The following SPAG16 variants were observed in gnomAD, a reference collection of about 807,000 sequenced individuals.
The protein encoded by SPAG16 is sperm-associated antigen 16 protein.
In SPAG16, 86 loss-of-function variants were observed where a neutral mutation model predicts 80.4. That is an observed-to-expected ratio of 1.07 (90% CI 0.90 to 1.28). The LOEUF (loss-of-function observed/expected upper bound fraction) is 1.28. Ranked by LOEUF, SPAG16 falls within the 50% of genes most tolerant of loss-of-function variation. The probability of loss-of-function intolerance (pLI) is 0.00; values close to 1 mark genes in which losing one functional copy is unlikely to be tolerated. For synonymous variants in SPAG16, 294 were observed against 265.9 expected (o/e 1.11, Z -1.03); for missense variants, 870 against 765.3 (o/e 1.14, Z -1.61).
chr2:213,716,176 T>A (rs550824350), intron 10 of SPAG16, among the ~76,000 whole-genome samples: 1 of 152,192 alleles, frequency 6.6e-6, no homozygotes, highest in African/African-American at 2.4e-5. Context: ...TATAATACTT[T>A]GATTTTTCAA....
intron 15 of SPAG16, among the ~76,000 whole-genome samples, chr2:214,304,232 C>T (rs1212818714): frequency 6.6e-6 from 1 of 152,166 alleles, no homozygotes; most frequent in Non-Finnish European, 1.5e-5. Context: ...AAAATCTGGC[C>T]ATAAACTGGC....
At chr2:214,046,358 A>G (rs1409344978) in intron 13 of SPAG16, among the ~76,000 whole-genome samples, 1 of 152,350 alleles carries the variant, frequency 6.6e-6, no homozygotes, top group East Asian at 1.9e-4. Context: ...CTGTGAGACC[A>G]GTATTACCCT....
In SPAG16 at chr2:213,889,648, C is replaced by CACAT. The variant is rs1559555712; in HGVS notation, c.1214+27021_1214+27022insCATA. 4.7e-5 allele frequency among the ~76,000 whole-genome samples: 7 copies of CACAT among 148,720 alleles called. No individual in the cohort carries two copies. In the East Asian group the frequency reaches 1.2e-3, roughly 25 times the overall value. ...ATATACATATACATATACACACACA[C>CACAT]ATATATACATATACATATATACACA... On this transcript the variant is annotated intron_variant, in intron 11 of 15. Transcript: ENST00000331683.
intron 1 of SPAG16, among the ~76,000 whole-genome samples, chr2:213,287,909 A>T (rs1210094439): frequency 1.3e-5 from 2 of 152,126 alleles, no homozygotes; most frequent in East Asian, 1.9e-4. Context: ...TTTAAAAAAA[A>T]TTATTATTTT....
chr2:213,956,981 G>A (rs1247821693), intron 12 of SPAG16, among the ~76,000 whole-genome samples: 7 of 151,742 alleles, frequency 4.6e-5, no homozygotes, highest in Non-Finnish European at 8.8e-5. Context: ...ACTTCATCTC[G>A]TTGTACTCAG....
intron 5 of SPAG16, among the ~76,000 whole-genome samples, chr2:213,336,929 C>T (rs1382723542): frequency 1.3e-5 from 2 of 152,148 alleles, no homozygotes; most frequent in Admixed American, 1.3e-4. Flanking sequence ...GGTGAGACCT[C>T]CCAACAGGAG....
intron 10 of SPAG16, among the ~76,000 whole-genome samples, chr2:213,848,667 A>G (rs968158520): frequency 6.6e-6 from 1 of 152,144 alleles, no homozygotes; most frequent in African/African-American, 2.4e-5. Context: ...AAGCGTTTTT[A>G]TAATGCCAGT....
intron 9 of SPAG16, among the ~76,000 whole-genome samples, chr2:213,459,122 A>G (rs1038489302): frequency 6.6e-6 from 1 of 151,850 alleles, no homozygotes; most frequent in Non-Finnish European, 1.5e-5. Context: ...GCTTCTTCCT[A>G]TGCCAGCCAG....
intron 15 of SPAG16, among the ~76,000 whole-genome samples, chr2:214,261,953 T>C (rs1691209191): frequency 6.6e-6 from 1 of 152,150 alleles, no homozygotes; most frequent in African/African-American, 2.4e-5. Context: ...TCTCTGTAAA[T>C]ACAAGATTGG....
intron 15 of SPAG16, among the ~76,000 whole-genome samples, chr2:214,363,309 G>A (rs891655325): frequency 6.6e-6 from 1 of 151,902 alleles, no homozygotes; most frequent in Non-Finnish European, 1.5e-5. Flanking sequence ...CTTCTCGATG[G>A]CTAAATCCAA....
intron 15 of SPAG16, among the ~76,000 whole-genome samples, chr2:214,362,367 G>C (rs1699238586): frequency 1.3e-5 from 2 of 151,824 alleles, no homozygotes; most frequent in African/African-American, 4.8e-5. Flanking sequence ...TTAAGGAAGA[G>C]GTCATACATG....
chr2:213,491,951 C>G (rs1028843643), intron 10 of SPAG16, among the ~76,000 whole-genome samples: 3 of 152,182 alleles, frequency 2.0e-5, no homozygotes, highest in Non-Finnish European at 4.4e-5. Flanking sequence ...AATCACTAGT[C>G]TCTTAGAGTA....
chr2:213,797,028 G>GT (rs889994706), intron 10 of SPAG16, among the ~76,000 whole-genome samples: 2 of 134,554 alleles, frequency 1.5e-5, no homozygotes, highest in Non-Finnish European at 3.3e-5. Context: ...TACATCTTAA[G>GT]TTTTTAACAA....
intron 4 of SPAG16, among the ~76,000 whole-genome samples, chr2:213,314,667 C>G (rs1680106379): frequency 6.6e-6 from 1 of 151,772 alleles, no homozygotes; most frequent in African/African-American, 2.4e-5. Context: ...TTATCACATA[C>G]TATTTTATTT....
intron 8 of SPAG16, among the ~76,000 whole-genome samples, chr2:213,368,703 C>A (rs1489616497): frequency 6.6e-6 from 1 of 152,180 alleles, no homozygotes; most frequent in Non-Finnish European, 1.5e-5. Flanking sequence ...AGCTGATAAG[C>A]AACTTCAGCA....
chr2:213,285,967 A>G (rs766283226), intron 1 of SPAG16: 18 of 1,218,124 alleles, frequency 1.5e-5, no homozygotes, highest in South Asian at 2.5e-5. Flanking sequence ...ATTTCCGTGA[A>G]CACATAGTTT....
chr2:214,214,666 T>C (rs1319736253), intron 15 of SPAG16, among the ~76,000 whole-genome samples: 1 of 151,916 alleles, frequency 6.6e-6, no homozygotes, highest in Non-Finnish European at 1.5e-5. Context: ...ATTTTGTGGG[T>C]ACAGAAGTTT....
At chr2:213,524,708 G>T (rs1056190811) in intron 10 of SPAG16, among the ~76,000 whole-genome samples, 1 of 152,138 alleles carries the variant, frequency 6.6e-6, no homozygotes, top group African/African-American at 2.4e-5. Context: ...CCTTCATTTT[G>T]GTCAATTTCT....
chr2:214,129,551 C>A (rs1317838449), intron 14 of SPAG16, among the ~76,000 whole-genome samples: 1 of 152,100 alleles, frequency 6.6e-6, no homozygotes, highest in Admixed American at 6.6e-5. Context: ...AGAAGATATG[C>A]AATTGTAATA....
Sources: gnomAD v4.1 joint callset for allele counts (sites outside exome capture counted in the v4.1 genomes callset) on GRCh38, gnomAD v4.1.1 for gene constraint, MANE v1.5 for transcripts, NCBI Gene and HGNC (gene_info 2026-07-23, HGNC 2026-07-21) for gene names.